The following SYN3 variants were observed in gnomAD, a reference collection of about 807,000 sequenced individuals.
SYN3 encodes the protein synapsin-3.
A neutral mutation model predicts 65.8 loss-of-function variants in SYN3; 35 were observed. The ratio of observed to expected loss-of-function variants is 0.53; its 90% CI spans 0.41 to 0.70. The LOEUF (loss-of-function observed/expected upper bound fraction) is 0.70. SYN3 is among the 30% of genes least tolerant of loss of function. The pLI, the probability that SYN3 is intolerant of heterozygous loss-of-function variation, is 0.00. For missense variants in SYN3, 680 were observed against 749.0 expected (o/e 0.91, Z 1.08); for synonymous variants, 270 against 292.9 (o/e 0.92, Z 0.80).
At chr22:32,756,660 G>A (rs533099501) in intron 6 of SYN3, among the ~76,000 whole-genome samples, 12 of 152,178 alleles carry the variant, frequency 7.9e-5, no homozygotes, top group East Asian at 3.9e-4. Flanking sequence ...ATTCTCTCTC[G>A]TGAGATCTGG....
chr22:33,033,837 C>T (rs985443007), intron 1 of SYN3, among the ~76,000 whole-genome samples: 4 of 152,102 alleles, frequency 2.6e-5, no homozygotes, highest in Non-Finnish European at 5.9e-5. Context: ...GCCAAGCAGA[C>T]GCAAGGCCAA....
At chr22:32,851,300 C>T (rs1354778795) in intron 6 of SYN3, among the ~76,000 whole-genome samples, 1 of 152,198 alleles carries the variant, frequency 6.6e-6, no homozygotes, top group Non-Finnish European at 1.5e-5. Flanking sequence ...AGGGAAATAG[C>T]TGGGAGGCAG....
At chr22:32,748,424 T>G (rs993714467) in intron 6 of SYN3, among the ~76,000 whole-genome samples, 2 of 152,138 alleles carry the variant, frequency 1.3e-5, no homozygotes, top group Admixed American at 1.3e-4. Context: ...TGACAACAAC[T>G]GCCTTAGAGA....
At chr22:32,616,279 T>C (rs2059518955) in intron 6 of SYN3, among the ~76,000 whole-genome samples, 1 of 151,890 alleles carries the variant, frequency 6.6e-6, no homozygotes, top group South Asian at 2.1e-4. Context: ...GCAGGCTCAG[T>C]GGCCCAGGAC....
intron 4 of SYN3, among the ~76,000 whole-genome samples, chr22:32,893,446 T>C (rs1416889547): frequency 6.6e-6 from 1 of 152,192 alleles, no homozygotes; most frequent in Admixed American, 6.5e-5. Context: ...CCTTTGTCAG[T>C]TGACACAGTA....
intron 6 of SYN3, among the ~76,000 whole-genome samples, chr22:32,774,520 C>T (rs9609630): frequency 6.6e-6 from 1 of 152,160 alleles, no homozygotes; most frequent in African/African-American, 2.4e-5. Flanking sequence ...GGGTAGGGTG[C>T]TGTTGGAACA....
intron 1 of SYN3, among the ~76,000 whole-genome samples, chr22:33,027,453 C>G (rs9621619): frequency 0.046 from 6,912 of 151,872 alleles, 488 homozygotes; most frequent in African/African-American, 0.15. Flanking sequence ...AAAAATTAGC[C>G]GGGCATGGTG....
chr22:32,799,583 A>G (rs568976336), intron 6 of SYN3, among the ~76,000 whole-genome samples: 2 of 152,340 alleles, frequency 1.3e-5, no homozygotes, highest in South Asian at 2.1e-4. Context: ...GAGGGCCTCT[A>G]TCATGTAAGA....
intron 3 of SYN3, among the ~76,000 whole-genome samples, chr22:32,960,606 C>T (rs1164984591): frequency 6.6e-6 from 1 of 152,150 alleles, no homozygotes; most frequent in African/African-American, 2.4e-5. Context: ...GTCTTGCATG[C>T]TCAACTAAAA....
chr22:32,864,976 G>GTTCTT lies in SYN3; in HGVS notation c.649_650insAAGAA (p.Ser217Ter). 2 of 1,614,118 alleles carry GTTCTT rather than the reference G, an allele frequency of 1.2e-6. No homozygotes were observed. Among genetic ancestry groups the GTTCTT allele is most frequent in the Non-Finnish European group, 1.7e-6 (2 of 1,179,960 alleles). The stretch of plus-strand genomic sequence containing the variant: ...AAGCGGGAACTTCTCAGGACCCAGG[G>GTTCTT]AATGGAAGATCTTAATGAGCTGAGA... On this transcript the variant is annotated stop_gained and frameshift_variant, in exon 6 of 14. Coordinates refer to ENST00000358763, the MANE Select transcript of SYN3 (RefSeq NM_003490.4). LOFTEE classifies it high-confidence loss of function.
At chr22:32,606,676 C>T (rs764696667) in intron 6 of SYN3, among the ~76,000 whole-genome samples, 45 of 152,134 alleles carry the variant, frequency 3.0e-4, no homozygotes, top group Non-Finnish European at 5.4e-4. Context: ...CAGTGGCTTT[C>T]TCCCCAGCCT....
At chr22:32,874,280 C>G (rs2048926627) in intron 4 of SYN3, among the ~76,000 whole-genome samples, 1 of 152,198 alleles carries the variant, frequency 6.6e-6, no homozygotes, top group African/African-American at 2.4e-5. Context: ...ACTGGCACGT[C>G]CTGGCCGCAG....
chr22:32,598,487 T>C (rs375146233), intron 6 of SYN3, among the ~76,000 whole-genome samples: 1 of 141,864 alleles, frequency 7.0e-6, no homozygotes, highest in African/African-American at 3.0e-5. Flanking sequence ...CAGTAGACTT[T>C]AAATAATATT....
intron 1 of SYN3, among the ~76,000 whole-genome samples, chr22:33,048,314 A>G (rs1160938685): frequency 6.6e-6 from 1 of 152,192 alleles, no homozygotes; most frequent in East Asian, 1.9e-4. Flanking sequence ...GCCTTCTCCA[A>G]ATAGCATGAG....
At chr22:32,600,151 T>C (rs191498515) in intron 6 of SYN3, among the ~76,000 whole-genome samples, 1 of 152,246 alleles carries the variant, frequency 6.6e-6, no homozygotes, top group African/African-American at 2.4e-5. Flanking sequence ...AATGTAGGAT[T>C]AGTGGGAGCC....
chr22:32,855,103 C>G (rs924962047), intron 6 of SYN3, among the ~76,000 whole-genome samples: 1 of 152,194 alleles, frequency 6.6e-6, no homozygotes, highest in African/African-American at 2.4e-5. Flanking sequence ...ATTATAAACC[C>G]TTGGGACAAG....
intron 1 of SYN3, among the ~76,000 whole-genome samples, chr22:33,016,054 C>T (rs2053460694): frequency 6.6e-6 from 1 of 152,010 alleles, no homozygotes; most frequent in South Asian, 2.1e-4. Flanking sequence ...CCATTTTGGC[C>T]AGACTGGTCT....
intron 3 of SYN3, among the ~76,000 whole-genome samples, chr22:32,975,303 A>G (rs915677592): frequency 2.0e-5 from 3 of 150,876 alleles, no homozygotes; most frequent in African/African-American, 7.3e-5. Flanking sequence ...TGAACCCAGG[A>G]GGCAGAGGTG....
intron 6 of SYN3, among the ~76,000 whole-genome samples, chr22:32,696,377 C>G (rs1601931203): frequency 6.6e-6 from 1 of 152,332 alleles, no homozygotes; most frequent in East Asian, 1.9e-4. Flanking sequence ...TTACCCACTC[C>G]TCTCTATTAT....
Sources: allele counts gnomAD v4.1 joint callset (sites outside exome capture counted in the v4.1 genomes callset), GRCh38; gene constraint gnomAD v4.1.1; transcripts MANE v1.5; gene names NCBI Gene and HGNC (gene_info 2026-07-23, HGNC 2026-07-21).